Variants in RBFOX1 observed in about 807,000 individuals in gnomAD.
The protein encoded by RBFOX1 is RNA binding protein fox-1 homolog 1.
Under a neutral mutation model 57.7 loss-of-function variants are expected in RBFOX1, and 8 were observed. The observed-to-expected ratio is 0.14, with a 90% confidence interval of 0.08 to 0.25. The LOEUF is 0.25. RBFOX1 is among the 10% of genes least tolerant of loss of function. The pLI, the probability that RBFOX1 is intolerant of heterozygous loss-of-function variation, is 1.00. For missense variants in RBFOX1, 611 were observed against 548.5 expected, an observed-to-expected ratio of 1.11 and a Z score of -1.14; for synonymous variants, 326 against 222.4, an observed-to-expected ratio of 1.47 and a Z score of -4.15.
chr16:5,544,242 A>G (rs1219895170), intron 2 of RBFOX1, among the ~76,000 whole-genome samples: 1 of 152,218 alleles, frequency 6.6e-6, no homozygotes, highest in African/African-American at 2.4e-5. Flanking sequence ...CTTTGGTCCC[A>G]GTGGAATTAA....
intron 1 of RBFOX1, among the ~76,000 whole-genome samples, chr16:5,418,786 G>A (rs564595803): frequency 1.3e-5 from 2 of 152,162 alleles, no homozygotes; most frequent in Admixed American, 1.3e-4. Context: ...CACGATTTAT[G>A]GAGAACCTAC....
At chr16:6,914,803 G>C (rs560075839) in intron 3 of RBFOX1, among the ~76,000 whole-genome samples, 1 of 152,156 alleles carries the variant, frequency 6.6e-6, no homozygotes, top group African/African-American at 2.4e-5. Flanking sequence ...CAACAAGATC[G>C]CTGAAGCCCA....
chr16:7,370,504 C>G (rs9921536), intron 4 of RBFOX1, among the ~76,000 whole-genome samples: 126 of 152,294 alleles, frequency 8.3e-4, no homozygotes, highest in African/African-American at 3.0e-3. Context: ...GTCTCCCTCA[C>G]TTTCCCTTCT....
At chr16:6,203,027 C>T (rs527344270) in intron 1 of RBFOX1, among the ~76,000 whole-genome samples, 5 of 152,142 alleles carry the variant, frequency 3.3e-5, no homozygotes, top group African/African-American at 1.2e-4. Context: ...CCTCCTGCTT[C>T]AGCTTCCCAG....
At position 6,847,260 on chromosome 16, in the gene RBFOX1, G is replaced by C. The variant is rs13331963; in HGVS notation, c.-16+192610G>C. Among the ~76,000 whole-genome samples, 299 of 152,178 alleles carry C rather than the reference G, an allele frequency of 2.0e-3. 1 individual carries two copies. Among genetic ancestry groups the C allele is most frequent in the African/African-American group, 6.6e-3 (273 of 41,520 alleles). ...AACATGTATCTCTCATGCCTTTCTAGGCTGGCTGGGGTTTGGCTGGCCCAG... is the reference window on the plus strand; with the variant it reads ...AACATGTATCTCTCATGCCTTTCTACGCTGGCTGGGGTTTGGCTGGCCCAG... On this transcript the variant is annotated intron_variant, in intron 3 of 15. Transcript: ENST00000550418.
intron 4 of RBFOX1, among the ~76,000 whole-genome samples, chr16:7,429,216 G>A (rs2098654564): frequency 6.6e-6 from 1 of 152,288 alleles, no homozygotes; most frequent in Non-Finnish European, 1.5e-5. Flanking sequence ...CAGAGGCACA[G>A]CAACATCCTC....
chr16:6,104,034 A>G (rs1597344856), intron 1 of RBFOX1, among the ~76,000 whole-genome samples: 1 of 151,992 alleles, frequency 6.6e-6, no homozygotes, highest in Admixed American at 6.6e-5. Flanking sequence ...GAGAATTTCA[A>G]CACTCTGGTC....
intron 2 of RBFOX1, among the ~76,000 whole-genome samples, chr16:6,591,065 C>G (rs2097703353): frequency 1.3e-5 from 2 of 152,100 alleles, no homozygotes; most frequent in African/African-American, 2.4e-5. Flanking sequence ...GGCAGGATAG[C>G]TTATGTGTAT....
chr16:7,611,689 T>C (rs945123776), intron 10 of RBFOX1, among the ~76,000 whole-genome samples: 10 of 152,160 alleles, frequency 6.6e-5, no homozygotes, highest in African/African-American at 1.2e-4. Flanking sequence ...GGAAGAGCCA[T>C]TGCACTTAAT....
chr16:6,333,294 C>A (rs1356159832), intron 2 of RBFOX1, among the ~76,000 whole-genome samples: 1 of 152,238 alleles, frequency 6.6e-6, no homozygotes, highest in Non-Finnish European at 1.5e-5. Flanking sequence ...ATCCACATGC[C>A]TCAGCACCCC....
intron 4 of RBFOX1, among the ~76,000 whole-genome samples, chr16:5,993,331 A>G (rs2060433788): frequency 6.7e-6 from 1 of 149,050 alleles, no homozygotes; most frequent in African/African-American, 2.5e-5. Context: ...CCTATTTGAT[A>G]ATGCTGTACG....
chr16:5,604,907 A>G (rs1360483432), downstream of RBFOX1, among the ~76,000 whole-genome samples: 4 of 152,182 alleles, frequency 2.6e-5, no homozygotes, highest in South Asian at 2.1e-4. Flanking sequence ...CCCCTGCTGC[A>G]GTCTCAGCAA....
chr16:6,730,407 G>A (rs11645773), intron 3 of RBFOX1, among the ~76,000 whole-genome samples: 141,424 of 152,060 alleles, frequency 0.93, 66,698 homozygotes, highest in East Asian at 1. Context: ...CTGTGCATCT[G>A]TCATCTCTCT....
chr16:7,273,258 C>CTTCCTTCT (rs1302306727), intron 4 of RBFOX1, among the ~76,000 whole-genome samples: 2 of 136,592 alleles, frequency 1.5e-5, no homozygotes, highest in Non-Finnish European at 3.1e-5. Flanking sequence ...TCCTTCCTTC[C>CTTCCTTCT]TTCCTCCCTT....
chr16:6,305,460 G>A (rs1281551639), intron 1 of RBFOX1, among the ~76,000 whole-genome samples: 2 of 151,902 alleles, frequency 1.3e-5, no homozygotes, highest in Non-Finnish European at 2.9e-5. Context: ...TATTGGCATT[G>A]TCTTTATTTA....
intron 1 of RBFOX1, among the ~76,000 whole-genome samples, chr16:6,104,556 T>C (rs1323481032): frequency 6.6e-6 from 1 of 152,162 alleles, no homozygotes; most frequent in African/African-American, 2.4e-5. Flanking sequence ...TCCAAGCCCA[T>C]CTTGCAGTCA....
chr16:6,807,518 T>G (rs1230315194), intron 3 of RBFOX1, among the ~76,000 whole-genome samples: 2 of 152,050 alleles, frequency 1.3e-5, no homozygotes, highest in African/African-American at 2.4e-5. Context: ...TGTCCTATGA[T>G]ATTAAGATGC....
At chr16:7,031,406 G>A (rs1021488040) in intron 3 of RBFOX1, among the ~76,000 whole-genome samples, 2 of 151,980 alleles carry the variant, frequency 1.3e-5, no homozygotes, top group Admixed American at 6.6e-5. Flanking sequence ...GACCAGCCTG[G>A]CTAACATGGT....
At chr16:5,905,632 C>G (rs1442151689) in intron 4 of RBFOX1, among the ~76,000 whole-genome samples, 1 of 152,144 alleles carries the variant, frequency 6.6e-6, no homozygotes, top group Non-Finnish European at 1.5e-5. Context: ...GAGGTCAAGG[C>G]TGCAGTACGC....
Sources: gnomAD v4.1 joint callset for allele counts (sites outside exome capture counted in the v4.1 genomes callset) on GRCh38, gnomAD v4.1.1 for gene constraint, MANE v1.5 for transcripts, NCBI Gene and HGNC (gene_info 2026-07-23, HGNC 2026-07-21) for gene names.